Variants in PLCB1 observed in about 807,000 individuals in gnomAD.
PLCB1 encodes the protein 1-phosphatidylinositol 4,5-bisphosphate phosphodiesterase beta-1.
Under a neutral mutation model 161.8 loss-of-function variants are expected in PLCB1, and 46 were observed. The ratio of observed to expected loss-of-function variants is 0.28; its 90% CI spans 0.22 to 0.36. PLCB1 has a LOEUF of 0.36. Ranked by LOEUF, PLCB1 falls within the 10% of genes least tolerant of loss-of-function variation. The probability of loss-of-function intolerance (pLI) is 1.00; values close to 1 mark genes in which losing one functional copy is unlikely to be tolerated. For missense variants in PLCB1, 1,016 were observed against 1,472.5 expected, an observed-to-expected ratio of 0.69 and a Z score of 5.07; for synonymous variants, 517 against 503.7, an observed-to-expected ratio of 1.03 and a Z score of -0.35.
intron 2 of PLCB1, among the ~76,000 whole-genome samples, chr20:8,218,405 G>A (rs2123158282): frequency 6.6e-6 from 1 of 152,186 alleles, no homozygotes; most frequent in Non-Finnish European, 1.5e-5. Context: ...CAACTAGTAA[G>A]AAGCATTAGT....
chr20:8,410,468 C>A (rs1978994697), intron 3 of PLCB1, among the ~76,000 whole-genome samples: 4 of 151,930 alleles, frequency 2.6e-5, no homozygotes, highest in African/African-American at 9.7e-5. Context: ...GTGAGTGTTC[C>A]ATGGTAACAC....
chr20:8,642,167 T>C (rs1362349464), intron 4 of PLCB1, among the ~76,000 whole-genome samples: 6 of 152,208 alleles, frequency 3.9e-5, no homozygotes, highest in African/African-American at 1.4e-4. Context: ...TTATGTATGA[T>C]TGGCAATCAT....
Position 8,788,453 on chromosome 20 carries a change from T to C in PLCB1, c.3116T>C (p.Ile1039Thr), listed in dbSNP as rs75820839. The C allele has an allele frequency of 4.9e-4, 796 of 1,612,872 alleles. 4 individuals are homozygous for C. The African/African-American group carries it at 8.5e-3, about 17-fold the overall frequency. Residue 1039 changes from isoleucine to threonine, a missense_variant, in exon 28 of 32, where the codon ATT becomes ACT. By Grantham distance (89) the Ile-to-Thr change is moderately conservative (BLOSUM62 -1). Coordinates refer to ENST00000338037, the MANE Select transcript of PLCB1 (RefSeq NM_015192.4). Reference protein sequence around the residue: ...YQKREHIKLLIQKLTDVAEEC... With the variant: ...YQKREHIKLLTQKLTDVAEEC... ...ACTGACATTTTCTTTTTCCAGCTTA[T>C]TCAAAAGTTGACGGATGTCGCAGAA...
chr20:8,829,863 A>G lies in PLCB1; in HGVS notation c.3423+39602A>G, dbSNP rs963459832. Among the ~76,000 whole-genome samples, 3 of 152,232 alleles carry G rather than the reference A, an allele frequency of 2.0e-5. No homozygotes were observed. In the East Asian group the frequency reaches 5.8e-4, roughly 29 times the overall value. The stretch of plus-strand genomic sequence containing the variant: ...TGAAAGCTCTGAAGCACGCAGAGGC[A>G]GCTTTGGATGTGATGGATATTTTTG... On this transcript the variant is annotated intron_variant, in intron 31 of 31. Transcript: ENST00000338037.
intron 2 of PLCB1, among the ~76,000 whole-genome samples, chr20:8,356,310 A>T (rs1397878909): frequency 6.6e-6 from 1 of 152,190 alleles, no homozygotes; most frequent in Non-Finnish European, 1.5e-5. Context: ...AGTATATCAG[A>T]ATCACCTGTA....
intron 27 of PLCB1, among the ~76,000 whole-genome samples, chr20:8,782,051 A>G (rs963361277): frequency 6.6e-6 from 1 of 152,172 alleles, no homozygotes; most frequent in Admixed American, 6.5e-5. Context: ...CAAGGAAAAA[A>G]AATTTCAAAG....
chr20:8,779,607 CG>C (rs763645855), intron 27 of PLCB1, among the ~76,000 whole-genome samples: 1 of 150,092 alleles, frequency 6.7e-6, no homozygotes, highest in Non-Finnish European at 1.5e-5. Context: ...AAGTGTGGGC[CG>C]TGAATCACCT....
intron 24 of PLCB1, among the ~76,000 whole-genome samples, chr20:8,759,849 ATGT>A: frequency 6.8e-6 from 1 of 146,252 alleles, no homozygotes; most frequent in African/African-American, 2.5e-5. Flanking sequence ...TTCCAAGTGG[ATGT>A]CTTTTCTCTT....
intron 3 of PLCB1, among the ~76,000 whole-genome samples, chr20:8,479,949 C>T (rs1039149021): frequency 3.3e-5 from 5 of 152,112 alleles, no homozygotes; most frequent in African/African-American, 1.2e-4. Context: ...TATGGGATTT[C>T]CTTGAGCTGA....
At chr20:8,222,692 T>C (rs977635125) in intron 2 of PLCB1, among the ~76,000 whole-genome samples, 16 of 152,164 alleles carry the variant, frequency 1.1e-4, no homozygotes, top group African/African-American at 3.6e-4. Context: ...CTTTTGGGAC[T>C]CCAATTACAT....
chr20:8,541,594 A>AAGAAAGAAAGAAAGAAAG (rs1985328426), intron 3 of PLCB1, among the ~76,000 whole-genome samples: 1 of 151,724 alleles, frequency 6.6e-6, no homozygotes, highest in African/African-American at 2.4e-5. Context: ...GAAAGAAAGA[A>AAGAAAGAAAGAAAGAAAG]AGAAAGAAAG....
chr20:8,788,902 T>C (rs1460383316), intron 29 of PLCB1, among the ~76,000 whole-genome samples, 180 bp downstream of exon 29: 1 of 152,098 alleles, frequency 6.6e-6, no homozygotes, highest in Non-Finnish European at 1.5e-5. Flanking sequence ...AAAGACTGGT[T>C]CAATAAAGGA....
chr20:8,757,214 A>G (rs1173203149), intron 24 of PLCB1, 36 bp downstream of exon 24: 1 of 1,575,610 alleles, frequency 6.3e-7, no homozygotes, highest in Non-Finnish European at 8.6e-7. Context: ...AACATGAGCA[A>G]GATCCTCCAG....
At chr20:8,426,734 G>A (rs557553062) in intron 3 of PLCB1, among the ~76,000 whole-genome samples, 2 of 152,138 alleles carry the variant, frequency 1.3e-5, no homozygotes, top group South Asian at 4.1e-4. Flanking sequence ...TGATAGATAT[G>A]TTAATTTGCT....
rs537909568 is a variant in PLCB1 at position 8,653,325 on chromosome 20, C to T, written c.595-3859C>T. On this transcript the variant is annotated intron_variant, in intron 7 of 31. Transcript: ENST00000338037. ...TGTGTGTAACTTATTAGTATGTTGC[C>T]TTTCTTCTGTGCCTTACATCCTGAA... The T allele has an allele frequency of 2.0e-4, 31 of 151,986 alleles. No individual in the cohort carries two copies. In the East Asian group the frequency reaches 4.6e-3, roughly 23 times the overall value. The allele number at this position is 151,986 out of a possible 1,614,324, so 9.4% of individuals were successfully genotyped here.
At chr20:8,433,917 G>T (rs1980179011) in intron 3 of PLCB1, among the ~76,000 whole-genome samples, 3 of 152,014 alleles carry the variant, frequency 2.0e-5, no homozygotes, top group Non-Finnish European at 4.4e-5. Flanking sequence ...TGGAAGAATA[G>T]TACATTTCTT....
intron 2 of PLCB1, among the ~76,000 whole-genome samples, chr20:8,296,963 C>T (rs1045071492): frequency 2.6e-5 from 4 of 152,004 alleles, no homozygotes; most frequent in African/African-American, 9.7e-5. Flanking sequence ...CAGTCGCAGC[C>T]TTTTCTATCT....
At chr20:8,864,666 A>T (rs1177987143) in intron 31 of PLCB1, among the ~76,000 whole-genome samples, 1 of 152,220 alleles carries the variant, frequency 6.6e-6, no homozygotes, top group Non-Finnish European at 1.5e-5. Flanking sequence ...CAAGTATTGC[A>T]GTATGTTCCC....
At chr20:8,257,935 T>C (rs986216625) in intron 2 of PLCB1, among the ~76,000 whole-genome samples, 2 of 152,114 alleles carry the variant, frequency 1.3e-5, no homozygotes, top group Admixed American at 6.6e-5. Context: ...GATATAAGAC[T>C]TAAAGGTCAT....
Sources: gnomAD v4.1 joint callset for allele counts (sites outside exome capture counted in the v4.1 genomes callset) on GRCh38, gnomAD v4.1.1 for gene constraint, MANE v1.5 for transcripts, NCBI Gene and HGNC (gene_info 2026-07-23, HGNC 2026-07-21) for gene names.